The following NFIA variants were observed in gnomAD, a reference collection of about 807,000 sequenced individuals.
NFIA encodes the protein nuclear factor 1 A-type.
A neutral mutation model predicts 62.8 loss-of-function variants in NFIA; 8 were observed. The observed-to-expected ratio is 0.13, with a 90% confidence interval of 0.07 to 0.23. The LOEUF is 0.23. NFIA is among the 10% of genes least tolerant of loss of function. The pLI is 1.00. For synonymous variants in NFIA, 235 were observed against 238.1 expected, an observed-to-expected ratio of 0.99 and a Z score of 0.12; for missense variants, 410 against 642.1, an observed-to-expected ratio of 0.64 and a Z score of 3.91.
intron 2 of NFIA, among the ~76,000 whole-genome samples, chr1:61,095,595 A>G (rs1646397580): frequency 6.6e-6 from 1 of 152,210 alleles, no homozygotes; most frequent in South Asian, 2.1e-4. Flanking sequence ...TTTCACTGTC[A>G]AATTCAGATG....
At chr1:61,319,836 C>CACACACACA (rs1660580765) in intron 3 of NFIA, among the ~76,000 whole-genome samples, 3 of 139,094 alleles carry the variant, frequency 2.2e-5, no homozygotes, top group African/African-American at 5.2e-5. Flanking sequence ...CACACACACA[C>CACACACACA]CAACTTTCAT....
chr1:61,275,843 A>G lies in NFIA; in HGVS notation c.560-1677A>G, dbSNP rs183708021. Among the ~76,000 whole-genome samples the G allele has an allele frequency of 2.1e-3, 321 of 152,252 alleles. 2 individuals are homozygous for G. The highest frequency in any genetic ancestry group is 0.015 in the East Asian group (76 of 5,192). The stretch of plus-strand genomic sequence containing the variant: ...AGGCTTGTTTCCTAGAAGAAAAAGA[A>G]GGTAGTCATGCTGTATTTTTTAATT... On this transcript the variant is annotated intron_variant, in intron 2 of 10. Coordinates refer to ENST00000403491, the MANE Select transcript of NFIA (RefSeq NM_001134673.4).
At chr1:61,359,603 CAG>C (rs1041519520) in intron 6 of NFIA, among the ~76,000 whole-genome samples, 17 of 152,094 alleles carry the variant, frequency 1.1e-4, no homozygotes, top group African/African-American at 2.2e-4. Flanking sequence ...TTTTTTGAGA[CAG>C]AGTCTTGCCC....
At chr1:61,100,891 T>C (rs1442823847) in intron 2 of NFIA, among the ~76,000 whole-genome samples, 1 of 151,870 alleles carries the variant, frequency 6.6e-6, no homozygotes, top group African/African-American at 2.4e-5. Context: ...CTGCCAAACC[T>C]GGCCTATATG....
Position 61,098,686 on chromosome 1 carries a change from G to C in NFIA, c.559+10006G>C, listed in dbSNP as rs562382385. Among the ~76,000 whole-genome samples the C allele has an allele frequency of 2.0e-5, 3 of 152,190 alleles. No individual in the cohort carries two copies. The East Asian group carries it at 5.8e-4, about 29-fold the overall frequency. Reference sequence around the variant, plus strand: ...GAATTCTTTTCTTAACATACTTTTAGAAGTCTCTCCTTTTCCCACATTCAA... The same window carrying C: ...GAATTCTTTTCTTAACATACTTTTACAAGTCTCTCCTTTTCCCACATTCAA... On this transcript the variant is annotated intron_variant, in intron 2 of 10. Transcript: ENST00000403491.
At chr1:61,127,587 G>A (rs376809944) in intron 2 of NFIA, among the ~76,000 whole-genome samples, 2 of 152,144 alleles carry the variant, frequency 1.3e-5, no homozygotes, top group South Asian at 2.1e-4. Context: ...TCACTAGACC[G>A]TGTATTTCAG....
At position 61,383,303 on chromosome 1, in the gene NFIA, A is replaced by G. The variant is rs1251789480; in HGVS notation, c.1013A>G (p.Gln338Arg). 1.2e-6 allele frequency: 2 copies of G among 1,614,068 alleles called. No individual in the cohort carries two copies. Residue 338 changes from glutamine to arginine, a missense_variant, in exon 7 of 11, where the codon CAG (glutamine) becomes CGG (arginine). This residue lies in a region of NFIA where 298 missense variants were observed against 438.1 expected (regional missense o/e 0.68). Transcript: ENST00000403491. ...GGTTTCAGCAGCCCCTCCCCTTCACAGACCTCCTCCCTGGGAACGGCGTTC... is the reference window on the plus strand; with the variant it reads ...GGTTTCAGCAGCCCCTCCCCTTCACGGACCTCCTCCCTGGGAACGGCGTTC... Reference protein sequence around the residue: ...KSGFSSPSPSQTSSLGTAFTQ... With the variant: ...KSGFSSPSPSRTSSLGTAFTQ...
intron 2 of NFIA, among the ~76,000 whole-genome samples, chr1:61,240,231 G>A (rs969388107): frequency 1.3e-5 from 2 of 152,034 alleles, no homozygotes; most frequent in Admixed American, 6.6e-5. Context: ...CTGCAGTAGT[G>A]GAAACATTGT....
chr1:61,165,755 C>T lies in NFIA; in HGVS notation c.559+77075C>T, dbSNP rs1649525693. ...TGATCTAGATGTTAATAAAAAAGAA[C>T]CCCAGATAATCTGAAGGGTTACTCC... On this transcript the variant is annotated intron_variant, in intron 2 of 10. Transcript: ENST00000403491. 2.0e-5 allele frequency among the ~76,000 whole-genome samples: 3 copies of T among 152,088 alleles called. No homozygotes were observed. The South Asian group carries it at 6.2e-4, about 32-fold the overall frequency.
At chr1:61,204,664 GC>G (rs1011273999) in intron 2 of NFIA, among the ~76,000 whole-genome samples, 38 of 151,414 alleles carry the variant, frequency 2.5e-4, no homozygotes, top group African/African-American at 4.1e-4. Context: ...TCCACCTTCT[GC>G]CCCCCCCACC....
intron 2 of NFIA, among the ~76,000 whole-genome samples, chr1:61,212,780 C>T (rs1570390804): frequency 6.6e-6 from 1 of 152,156 alleles, no homozygotes; most frequent in African/African-American, 2.4e-5. Context: ...TGGGTTGCAG[C>T]CCAGACTGAG....
At chr1:61,187,284 C>T (rs1250745054) in intron 2 of NFIA, among the ~76,000 whole-genome samples, 1 of 152,144 alleles carries the variant, frequency 6.6e-6, no homozygotes, top group Non-Finnish European at 1.5e-5. Context: ...CCCCCCTTCT[C>T]ATGTTAGCAT....
At chr1:61,134,955 T>C (rs1557589389) in intron 2 of NFIA, among the ~76,000 whole-genome samples, 1 of 152,350 alleles carries the variant, frequency 6.6e-6, no homozygotes, top group East Asian at 1.9e-4. Context: ...GAAAATAGAA[T>C]GGTATTGACA....
intron 2 of NFIA, among the ~76,000 whole-genome samples, chr1:61,205,795 AG>A (rs1652853165): frequency 6.6e-6 from 1 of 152,000 alleles, no homozygotes. Context: ...TAGTCCAGTC[AG>A]TGTTTCAGCA....
chr1:61,143,967 T>C (rs1447190106), intron 2 of NFIA, among the ~76,000 whole-genome samples: 1 of 152,244 alleles, frequency 6.6e-6, no homozygotes, highest in African/African-American at 2.4e-5. Context: ...AGTAAGAATC[T>C]ACTTAGTTTA....
chr1:61,194,504 G>A (rs13376298), intron 2 of NFIA, among the ~76,000 whole-genome samples: 3,823 of 152,096 alleles, frequency 0.025, 133 homozygotes, highest in African/African-American at 0.072. Flanking sequence ...ACTTTAGGTC[G>A]TGTTAACTGT....
chr1:61,407,435 A>G (rs556251905), intron 9 of NFIA, among the ~76,000 whole-genome samples: 1 of 152,342 alleles, frequency 6.6e-6, no homozygotes, highest in Admixed American at 6.5e-5. Flanking sequence ...GATTACTTGA[A>G]CTAGAGAGAG....
intron 10 of NFIA, among the ~76,000 whole-genome samples, chr1:61,449,350 T>TC (rs1557448166): frequency 6.6e-6 from 1 of 152,200 alleles, no homozygotes; most frequent in Non-Finnish European, 1.5e-5. Context: ...TGTTCTTCCT[T>TC]CCCTCCTTTA....
intron 3 of NFIA, among the ~76,000 whole-genome samples, chr1:61,328,262 C>T (rs942507356): frequency 6.6e-6 from 1 of 152,044 alleles, no homozygotes; most frequent in African/African-American, 2.4e-5. Context: ...TTTCCTGCCT[C>T]AGGGCCTTTG....
Sources: gnomAD v4.1 joint callset for allele counts (sites outside exome capture counted in the v4.1 genomes callset) on GRCh38, gnomAD v4.1.1 for gene constraint, gnomAD v4.1.1 regional missense constraint, MANE v1.5 for transcripts, NCBI Gene and HGNC (gene_info 2026-07-23, HGNC 2026-07-21) for gene names.